JMJD1C: variants seen among roughly 807,000 people sequenced by gnomAD.
JMJD1C encodes jumonji domain-containing protein 1C.
JMJD1C carries 31 observed loss-of-function variants against 245.3 expected under a neutral mutation model. The ratio of observed to expected loss-of-function variants is 0.13; its 90% confidence interval spans 0.09 to 0.17. JMJD1C has a LOEUF of 0.17. JMJD1C is among the 10% of genes least tolerant of loss of function. The probability of loss-of-function intolerance (pLI) is 1.00; values close to 1 mark genes in which losing one functional copy is unlikely to be tolerated. For synonymous variants in JMJD1C, 1,057 were observed against 1,017.4 expected (o/e 1.04, Z -0.74); for missense variants, 2,691 against 3,000.2 (o/e 0.90, Z 2.41).
At chr10:63,304,405 G>T (rs1937717804) in intron 2 of JMJD1C, among the ~76,000 whole-genome samples, 1 of 142,702 alleles carries the variant, frequency 7.0e-6, no homozygotes, top group Non-Finnish European at 1.6e-5. Context: ...TCACAGCCAG[G>T]AATTTAAAAA....
chr10:63,167,982 T>C lies in JMJD1C; in HGVS notation c.*63A>G. 1.1e-6 allele frequency: 1 copy of C among 945,500 alleles called. No individual in the cohort carries two copies. 58.6% of individuals were successfully genotyped at this position (945,500 alleles called of 1,614,324 possible). On this transcript the variant is annotated 3_prime_UTR_variant, in exon 26 of 26. Transcript: ENST00000399262. ...GAAGCTTAAAGTCAGTGTGCATACA[T>C]ATCATCATTCAAGGTTAAGTAATCC...
intron 1 of JMJD1C, among the ~76,000 whole-genome samples, chr10:63,406,277 G>A (rs1949165010): frequency 6.6e-6 from 1 of 152,080 alleles, no homozygotes; most frequent in African/African-American, 2.4e-5. Context: ...TTTTTTCTGT[G>A]GAGCTTAACT....
chr10:63,193,211 T>C (rs1204784571), intron 15 of JMJD1C, 60 bp from the exon 16 acceptor site: 17 of 1,504,272 alleles, frequency 1.1e-5, no homozygotes, highest in Admixed American at 3.6e-5. Context: ...ATTAGTAGTA[T>C]AGATACAAAA....
At chr10:63,234,975 C>T (rs1209511715) in intron 3 of JMJD1C, among the ~76,000 whole-genome samples, 2 of 151,886 alleles carry the variant, frequency 1.3e-5, no homozygotes, top group African/African-American at 4.8e-5. Context: ...CTTTACTTAA[C>T]AGATGTGGTA....
At chr10:63,424,082 A>G (rs1435423574) in intron 1 of JMJD1C, among the ~76,000 whole-genome samples, 3 of 152,190 alleles carry the variant, frequency 2.0e-5, no homozygotes, top group African/African-American at 7.2e-5. Flanking sequence ...TAATTAAAAA[A>G]TGGATTTTTA....
chr10:63,356,863 C>T (rs1318838807), intron 2 of JMJD1C, among the ~76,000 whole-genome samples: 2 of 152,110 alleles, frequency 1.3e-5, no homozygotes, highest in Non-Finnish European at 2.9e-5. Flanking sequence ...ATTCAAACTT[C>T]AATATACAGT....
chr10:63,483,397 A>C (rs144965253), intron 1 of JMJD1C, among the ~76,000 whole-genome samples: 16 of 152,188 alleles, frequency 1.1e-4, no homozygotes, highest in African/African-American at 3.9e-4. Flanking sequence ...AGGAAACATA[A>C]GTTTTGGAGG....
At chr10:63,470,972 C>G (rs1332963353), upstream of JMJD1C, among the ~76,000 whole-genome samples, 2 of 152,144 alleles carry the variant, frequency 1.3e-5, no homozygotes, top group African/African-American at 4.8e-5. Flanking sequence ...TCCTAATCTG[C>G]TGAGTGAGGA....
chr10:63,332,973 T>A (rs1337243417), intron 2 of JMJD1C, among the ~76,000 whole-genome samples: 1 of 152,180 alleles, frequency 6.6e-6, no homozygotes, highest in East Asian at 1.9e-4. Context: ...TAACAACCCA[T>A]TTCTCAAAAA....
intron 1 of JMJD1C, among the ~76,000 whole-genome samples, chr10:63,412,455 T>G (rs1335571871): frequency 6.6e-6 from 1 of 152,216 alleles, no homozygotes; most frequent in East Asian, 1.9e-4. Flanking sequence ...TGCAATATGG[T>G]ATTTAGTGGA....
intron 2 of JMJD1C, among the ~76,000 whole-genome samples, chr10:63,299,122 T>C (rs1465183276): frequency 6.6e-6 from 1 of 152,182 alleles, no homozygotes; most frequent in African/African-American, 2.4e-5. Flanking sequence ...ATGTAGAAAC[T>C]GTATAATATG....
intron 3 of JMJD1C, among the ~76,000 whole-genome samples, chr10:63,257,985 G>C (rs147013456): frequency 1.7e-3 from 264 of 152,336 alleles, no homozygotes; most frequent in Non-Finnish European, 3.0e-3. Flanking sequence ...TTAGAAGTAA[G>C]CAGCAGATGG....
chr10:63,193,749 C>T (rs1484722852), intron 14 of JMJD1C: 2 of 217,080 alleles, frequency 9.2e-6, no homozygotes, highest in East Asian at 1.2e-4. Context: ...TCACTGCAAG[C>T]TCCGCCCCCC....
chr10:63,519,979 T>C, intron 1 of JMJD1C, among the ~76,000 whole-genome samples: 1 of 152,176 alleles, frequency 6.6e-6, no homozygotes, highest in Non-Finnish European at 1.5e-5. Flanking sequence ...TGCTGAATAA[T>C]GGCCAAAAAT....
At chr10:63,519,268 C>G (rs1205399304) in intron 1 of JMJD1C, among the ~76,000 whole-genome samples, 1 of 152,194 alleles carries the variant, frequency 6.6e-6, no homozygotes, top group South Asian at 2.1e-4. Context: ...ACCTAGGTTG[C>G]CTTCAGCAAC....
At chr10:63,236,850 A>C (rs972741662) in intron 3 of JMJD1C, among the ~76,000 whole-genome samples, 1 of 152,132 alleles carries the variant, frequency 6.6e-6, no homozygotes, top group African/African-American at 2.4e-5. Flanking sequence ...ATGGTGGCTC[A>C]TGCCTGTAAT....
At chr10:63,195,693 C>T (rs1320830122) in intron 13 of JMJD1C, among the ~76,000 whole-genome samples, 1 of 152,146 alleles carries the variant, frequency 6.6e-6, no homozygotes, top group East Asian at 1.9e-4. Flanking sequence ...GTAATCCCAG[C>T]ACTTTGGGAG....
At chr10:63,277,731 CTTTTTTT>C (rs35442695) in intron 2 of JMJD1C, among the ~76,000 whole-genome samples, 7 of 64,262 alleles carry the variant, frequency 1.1e-4, no homozygotes, top group East Asian at 5.7e-4. Context: ...ATTTGCATTT[CTTTTTTT>C]TTTTTTTTTT....
chr10:63,297,851 C>T (rs74137714), intron 2 of JMJD1C, among the ~76,000 whole-genome samples: 2,951 of 152,252 alleles, frequency 0.019, 97 homozygotes, highest in African/African-American at 0.065. Context: ...CTGCAGGTGA[C>T]GAGAAAGAAA....
Sources: gnomAD v4.1 joint callset for allele counts (sites outside exome capture counted in the v4.1 genomes callset) on GRCh38, gnomAD v4.1.1 for gene constraint, MANE v1.5 for transcripts, NCBI Gene and HGNC (gene_info 2026-07-23, HGNC 2026-07-21) for gene names.